SUPV3L1: variants seen among roughly 807,000 people sequenced by gnomAD.
The protein encoded by SUPV3L1 is ATP-dependent RNA helicase SUPV3L1, mitochondrial.
Under a neutral mutation model 70.0 loss-of-function variants are expected in SUPV3L1, and 35 were observed. The ratio of observed to expected loss-of-function variants is 0.50; its 90% confidence interval spans 0.38 to 0.66. SUPV3L1 has a LOEUF of 0.66. Ranked by LOEUF, SUPV3L1 falls within the 30% of genes least tolerant of loss-of-function variation. The probability of loss-of-function intolerance (pLI) is 0.00; values close to 1 mark genes in which losing one functional copy is unlikely to be tolerated. For synonymous variants in SUPV3L1, 364 were observed against 341.9 expected (o/e 1.06, Z -0.71); for missense variants, 777 against 961.5 (o/e 0.81, Z 2.54).
chr10:69,181,497 A>G (rs1842058564), intron 1 of SUPV3L1, among the ~76,000 whole-genome samples: 1 of 152,232 alleles, frequency 6.6e-6, no homozygotes, highest in Non-Finnish European at 1.5e-5. Context: ...ATTCTTTGAC[A>G]TATTCTTCCA....
intron 2 of SUPV3L1, among the ~76,000 whole-genome samples, 184 bp downstream of exon 2, chr10:69,186,248 G>C (rs957281062): frequency 6.7e-6 from 1 of 150,174 alleles, no homozygotes; most frequent in Admixed American, 6.7e-5. Context: ...CGGCAGAGGA[G>C]CTGCAGCTGC....
Position 69,185,587 on chromosome 10 carries a change from C to T in SUPV3L1, c.272-400C>T, listed in dbSNP as rs1046380789. Among the ~76,000 whole-genome samples the T allele has an allele frequency of 1.6e-4, 24 of 151,728 alleles. 1 individual carries two copies. Among genetic ancestry groups the T allele is most frequent in the African/African-American group, 4.4e-4 (18 of 41,358 alleles). On this transcript the variant is annotated intron_variant, in intron 1 of 14. Coordinates refer to ENST00000359655, the MANE Select transcript of SUPV3L1 (RefSeq NM_003171.5). ...GCCCATCTCGGCTCACTGCAAGCTCCGCCTCCCGGGTTCATGCCATTCTCC... is the reference window on the plus strand; with the variant it reads ...GCCCATCTCGGCTCACTGCAAGCTCTGCCTCCCGGGTTCATGCCATTCTCC...
At position 69,198,352 on chromosome 10, in the gene SUPV3L1, A is replaced by T. The variant is rs1260560533; in HGVS notation, c.1024-20A>T. The T allele has an allele frequency of 6.4e-7, 1 of 1,566,360 alleles. No homozygotes were observed. ...GTTGAGTTGGGTGTGTCATTTTGCC[A>T]TTTCATGTCTTTATTGTAGGTTCGA... is the stretch of plus-strand genomic sequence containing the variant. On this transcript the variant is annotated intron_variant, in intron 8 of 14. Coordinates refer to ENST00000359655, the MANE Select transcript of SUPV3L1 (RefSeq NM_003171.5).
At chr10:69,181,438 G>A (rs1842056349) in intron 1 of SUPV3L1, among the ~76,000 whole-genome samples, 1 of 152,208 alleles carries the variant, frequency 6.6e-6, no homozygotes, top group South Asian at 2.1e-4. Context: ...TTTCAGAGCA[G>A]AAGTACAGTA....
intron 3 of SUPV3L1, 139 bp downstream of exon 3, chr10:69,186,689 C>CAAA (rs2132270699): frequency 1.5e-6 from 1 of 682,124 alleles, no homozygotes; most frequent in Non-Finnish European, 2.5e-6. Flanking sequence ...TCAGTGCTTT[C>CAAA]ACAGGATGAC....
intron 1 of SUPV3L1, 147 bp from the exon 2 acceptor site, chr10:69,185,840 T>G: frequency 1.4e-6 from 1 of 715,970 alleles, no homozygotes; most frequent in South Asian, 1.6e-5. Context: ...GCATATGAAT[T>G]CATAAAGAAG....
intron 13 of SUPV3L1, among the ~76,000 whole-genome samples, chr10:69,206,011 T>C (rs12769677): frequency 8.0e-4 from 9 of 11,198 alleles, no homozygotes; most frequent in Non-Finnish European, 8.3e-3. Context: ...GGCCAGCTGC[T>C]GGATGGATGG....
At chr10:69,206,994 G>A (rs1466061066) in intron 13 of SUPV3L1, among the ~76,000 whole-genome samples, 3 of 152,122 alleles carry the variant, frequency 2.0e-5, no homozygotes, top group African/African-American at 7.2e-5. Flanking sequence ...GTAACAGAGC[G>A]AGACTCCGTC....
chr10:69,189,646 C>CTTTTTTTTT (rs34718589), intron 5 of SUPV3L1, among the ~76,000 whole-genome samples: 1 of 125,056 alleles, frequency 8.0e-6, no homozygotes, highest in African/African-American at 2.9e-5. Context: ...GCTATCAATT[C>CTTTTTTTTT]TTTTTTTTTT....
chr10:69,182,981 T>A (rs1241954887), intron 1 of SUPV3L1, among the ~76,000 whole-genome samples: 2 of 152,190 alleles, frequency 1.3e-5, no homozygotes, highest in Non-Finnish European at 2.9e-5. Context: ...CAGATCTTTG[T>A]CTCTACCCTG....
chr10:69,205,437 C>G (rs939592312), intron 13 of SUPV3L1, among the ~76,000 whole-genome samples: 3 of 152,190 alleles, frequency 2.0e-5, no homozygotes, highest in Non-Finnish European at 4.4e-5. Context: ...TGCAGTGGCA[C>G]AATCATAGCT....
At chr10:69,186,328 A>AG (rs1842229419) in intron 2 of SUPV3L1, 115 bp from the exon 3 acceptor site, 1 of 563,526 alleles carries the variant, frequency 1.8e-6, no homozygotes, top group Non-Finnish European at 2.8e-6. Context: ...GTACTGCCAA[A>AG]AAAAAAAAAA....
chr10:69,193,615 G>T (rs112438214), intron 6 of SUPV3L1, among the ~76,000 whole-genome samples: 2,063 of 152,150 alleles, frequency 0.014, 12 homozygotes, highest in Non-Finnish European at 0.023. Context: ...TCACTTTGTT[G>T]CCCAGGCTGG....
At chr10:69,197,254 G>A (rs928376692) in intron 8 of SUPV3L1, among the ~76,000 whole-genome samples, 171 bp downstream of exon 8, 1 of 152,192 alleles carries the variant, frequency 6.6e-6, no homozygotes, top group Non-Finnish European at 1.5e-5. Flanking sequence ...CTCATGATCT[G>A]AAGTTCTGAC....
intron 4 of SUPV3L1, 56 bp from the exon 5 acceptor site, chr10:69,189,211 T>C: frequency 2.6e-6 from 4 of 1,539,480 alleles, no homozygotes; most frequent in Admixed American, 1.9e-5. Flanking sequence ...TTGCTGTCTT[T>C]GCCAGGATGG....
Position 69,200,342 on chromosome 10 carries a change from GA to G in SUPV3L1, c.1362del (p.Glu455AsnfsTer2). 6.2e-7 allele frequency: 1 copy of G among 1,614,110 alleles called. No individual in the cohort carries two copies. Reference protein sequence around the residue: ...IKPSINEKGERELEPITTSQA... With the variant: ...IKPSINEKGEXELEPITTSQA... The stretch of plus-strand genomic sequence containing the variant: ...CCCAGTATCAATGAAAAGGGAGAGA[GA>G]GAACTAGAACCAATCACAACCTCTC... On this transcript the variant is annotated frameshift_variant, in exon 11 of 15. Coordinates refer to ENST00000359655, the MANE Select transcript of SUPV3L1 (RefSeq NM_003171.5). LOFTEE classifies it high-confidence loss of function.
intron 1 of SUPV3L1, among the ~76,000 whole-genome samples, chr10:69,185,452 A>T (rs563120041): frequency 1.4e-5 from 2 of 146,188 alleles, no homozygotes; most frequent in East Asian, 3.9e-4. Context: ...TGCATTGCTC[A>T]TTCCTCTATG....
In SUPV3L1 at chr10:69,200,446, G is replaced by C. The variant is rs1379527145; in HGVS notation, c.1465G>C (p.Glu489Gln). 6.8e-6 allele frequency: 11 copies of C among 1,614,082 alleles called. No homozygotes were observed. The highest frequency in any genetic ancestry group is 1.3e-5 in the African/African-American group (1 of 75,024). ...AGGAGAGGTTACAACAATGAATCAT[G>C]AAGATCTCAGTTTATTAAAGGAAAT... ...KEGEVTTMNH[E>Q]DLSLLKEILK... is the part of the protein sequence containing the mutation. Residue 489 changes from glutamate (E) to glutamine (Q), a missense_variant, in exon 11 of 15, where the codon GAA (glutamate) becomes CAA (glutamine). Glu to Gln is a conservative substitution (Grantham distance 29). Around this residue, in one of 2 missense-constraint regions of SUPV3L1, gnomAD observed 619 missense variants for 823.3 expected, o/e 0.75. Coordinates refer to ENST00000359655, the MANE Select transcript of SUPV3L1 (RefSeq NM_003171.5).
At position 69,189,450 on chromosome 10, in the gene SUPV3L1, A is replaced by G. The variant is rs374496730; in HGVS notation, c.741+15A>G. 245 of 1,551,936 alleles carry G rather than the reference A, an allele frequency of 1.6e-4. No individual in the cohort carries two copies. Among genetic ancestry groups the G allele is most frequent in the Middle Eastern group, 1.7e-4 (1 of 5,830 alleles). On this transcript the variant is annotated intron_variant, in intron 5 of 14. Coordinates refer to ENST00000359655, the MANE Select transcript of SUPV3L1 (RefSeq NM_003171.5). ...GTAATGCTGCTGTCAGTATATTACC[A>G]AATATTTGCTCATTTTTTTCTTAAT...
Sources: allele counts gnomAD v4.1 joint callset (sites outside exome capture counted in the v4.1 genomes callset), GRCh38; gene constraint gnomAD v4.1.1; regional missense constraint gnomAD v4.1.1; transcripts MANE v1.5; gene names NCBI Gene and HGNC (gene_info 2026-07-23, HGNC 2026-07-21).